The following UNKL variants were observed in gnomAD, a reference collection of about 807,000 sequenced individuals.
UNKL encodes unk like zinc finger, also known as putative E3 ubiquitin-protein ligase UNKL.
In UNKL, 60 loss-of-function variants were observed where a neutral mutation model predicts 78.0. That is an observed-to-expected ratio of 0.77 (90% CI 0.63 to 0.95). The LOEUF (loss-of-function observed/expected upper bound fraction) is 0.95. Among genes scored for constraint, UNKL ranks in the 40% least tolerant of loss-of-function variants. The pLI, the probability that UNKL is intolerant of heterozygous loss-of-function variation, is 0.00. For missense variants in UNKL, 1,159 were observed against 1,045.7 expected, an observed-to-expected ratio of 1.11 and a Z score of -1.49; for synonymous variants, 608 against 474.8, an observed-to-expected ratio of 1.28 and a Z score of -3.65.
intron 8 of UNKL, among the ~76,000 whole-genome samples, 200 bp from the exon 9 acceptor site, chr16:1,390,894 G>A (rs1215708888): frequency 6.6e-6 from 1 of 152,096 alleles, no homozygotes; most frequent in Non-Finnish European, 1.5e-5. Context: ...GCCAGGCGTG[G>A]TGGCACATGC....
chr16:1,398,631 A>T, intron 5 of UNKL: 1 of 1,435,362 alleles, frequency 7.0e-7, no homozygotes. Flanking sequence ...ACAGGGCCTC[A>T]GGGAGGCCAA....
chr16:1,408,769 T>G (rs1011895337), intron 2 of UNKL: 1 of 152,398 alleles, frequency 6.6e-6, no homozygotes, highest in African/African-American at 2.4e-5. Flanking sequence ...GGGGCCCTCC[T>G]GGGGTCCCAG....
intron 10 of UNKL, among the ~76,000 whole-genome samples, chr16:1,374,745 AG>A (rs2036086404): frequency 6.6e-6 from 1 of 152,100 alleles, no homozygotes; most frequent in South Asian, 2.1e-4. Flanking sequence ...TGGCCATGTC[AG>A]GGTGACAGCA....
At position 1,371,531 on chromosome 16, in the gene UNKL, G is replaced by A. The variant is rs1257831350; in HGVS notation, c.1345C>T (p.Leu449=). 1.3e-6 allele frequency: 2 copies of A among 1,536,078 alleles called. No homozygotes were observed. Among genetic ancestry groups the A allele is most frequent in the Admixed American group, 2.0e-5 (1 of 50,980 alleles). The change falls in exon 11 of 15, where the codon CTG becomes TTG. Residue 449 remains leucine (L), a synonymous_variant. Transcript: ENST00000389221. The part of the protein sequence containing the change: ...KDLEEQDGHD[L]GAAGPRSLAG... Reference sequence around the variant, plus strand: ...TCCCCACCCTCACCTGCTGCTCCCAGGTCGTGGCCGTCTTGCTCTTCCAGG... The same window carrying A: ...TCCCCACCCTCACCTGCTGCTCCCAAGTCGTGGCCGTCTTGCTCTTCCAGG...
At chr16:1,375,561 C>T (rs2142013004) in intron 10 of UNKL, among the ~76,000 whole-genome samples, 1 of 152,304 alleles carries the variant, frequency 6.6e-6, no homozygotes, top group Admixed American at 6.5e-5. Flanking sequence ...CGGGACGGCA[C>T]ACGGCGCATG....
rs1164403254 is a variant in UNKL, at chr16:1,367,427, A to G, written c.1789-78T>C. 2.0e-4 allele frequency: 291 copies of G among 1,446,870 alleles called. 1 individual carries two copies. In the Middle Eastern group the frequency reaches 3.6e-3, roughly 18 times the overall value. The allele number at this position is 1,446,870 out of a possible 1,614,324, so 89.6% of individuals were successfully genotyped here. On this transcript the variant is annotated intron_variant, in intron 13 of 14. Coordinates refer to ENST00000389221, the MANE Select transcript of UNKL (RefSeq NM_001372107.1). ...GACCCTCTTGCCTGTGTCACCAGCG[A>G]TCCTCCCCTCCCCTCCCCAGCATCA...
At chr16:1,376,919 G>A (rs1352233361) in intron 10 of UNKL, among the ~76,000 whole-genome samples, 1 of 152,072 alleles carries the variant, frequency 6.6e-6, no homozygotes, top group Non-Finnish European at 1.5e-5. Context: ...CAGCAAATGA[G>A]GCAGTGGACA....
chr16:1,393,997 C>G (rs2037155369), intron 7 of UNKL, 134 bp downstream of exon 7: 1 of 892,002 alleles, frequency 1.1e-6, no homozygotes, highest in South Asian at 1.7e-5. Flanking sequence ...ACCCCCAGCC[C>G]CCAACCACGG....
chr16:1,385,157 G>C (rs1416483138), intron 10 of UNKL, 51 bp downstream of exon 10: 1 of 1,212,110 alleles, frequency 8.3e-7, no homozygotes, highest in African/African-American at 1.6e-5. Context: ...AAAAGCTACA[G>C]CATGAACACA....
chr16:1,380,563 C>A lies in UNKL; in HGVS notation c.1264+4645G>T, dbSNP rs562873096. 7.4e-5 allele frequency among the ~76,000 whole-genome samples: 11 copies of A among 148,778 alleles called. No individual in the cohort carries two copies. The South Asian group carries it at 2.1e-3, about 29-fold the overall frequency. On this transcript the variant is annotated intron_variant, in intron 10 of 14. Coordinates refer to ENST00000389221, the MANE Select transcript of UNKL (RefSeq NM_001372107.1). ...GAGGCTGGCACTGGGTGGCAAAGCTCACAATTTCAGCCGCAGCAGCAGCAA... is the reference window on the plus strand; with the variant it reads ...GAGGCTGGCACTGGGTGGCAAAGCTAACAATTTCAGCCGCAGCAGCAGCAA...
At chr16:1,384,902 A>T (rs2036749608) in intron 10 of UNKL, among the ~76,000 whole-genome samples, 1 of 151,538 alleles carries the variant, frequency 6.6e-6, no homozygotes, top group South Asian at 2.1e-4. Flanking sequence ...AACTCCCATC[A>T]TCTGTCAACA....
intron 10 of UNKL, among the ~76,000 whole-genome samples, chr16:1,378,356 C>T (rs561086955): frequency 7.8e-4 from 119 of 152,354 alleles, no homozygotes; most frequent in African/African-American, 2.7e-3. Context: ...CTGCCCTCTG[C>T]ACCCAAGTCC....
At chr16:1,389,212 C>T (rs564724866) in intron 9 of UNKL, among the ~76,000 whole-genome samples, 2 of 152,250 alleles carry the variant, frequency 1.3e-5, no homozygotes, top group East Asian at 3.9e-4. Context: ...AACGTGTCCC[C>T]CCCAAATTCC....
chr16:1,404,908 G>A (rs1236801842), intron 2 of UNKL, among the ~76,000 whole-genome samples: 1 of 152,110 alleles, frequency 6.6e-6, no homozygotes, highest in Non-Finnish European at 1.5e-5. Flanking sequence ...AGACTTAGAA[G>A]GAAGGACTGG....
intron 14 of UNKL, among the ~76,000 whole-genome samples, 196 bp downstream of exon 14, chr16:1,366,896 G>GCGGCTCCCAGGGGGAAAGA (rs1259060422): frequency 6.6e-6 from 1 of 151,356 alleles, no homozygotes; most frequent in Non-Finnish European, 1.5e-5. Flanking sequence ...GACAGGAAAG[G>GCGGCTCCCAGGGGGAAAGA]CGGCTCCCAG....
intron 8 of UNKL, 123 bp downstream of exon 8, chr16:1,392,768 G>A (rs2037100963): frequency 1.7e-6 from 2 of 1,160,720 alleles, no homozygotes; most frequent in Admixed American, 2.1e-5. Context: ...TCTTCTAGAA[G>A]AGCCACGAAC....
chr16:1,366,515 A>G, intron 14 of UNKL, 120 bp from the exon 15 acceptor site: 2 of 1,315,074 alleles, frequency 1.5e-6, no homozygotes, highest in South Asian at 3.1e-5. Context: ...CCAGCTACAG[A>G]GACAGGGTCA....
At chr16:1,379,437 C>G in intron 10 of UNKL, 1 of 975,688 alleles carries the variant, frequency 1.0e-6, no homozygotes, top group South Asian at 4.7e-5. Flanking sequence ...GAGGCAGGTT[C>G]CGAGAAGGCG....
intron 5 of UNKL, among the ~76,000 whole-genome samples, chr16:1,397,879 G>A (rs1392264955): frequency 1.3e-5 from 2 of 152,240 alleles, no homozygotes; most frequent in East Asian, 3.8e-4. Flanking sequence ...GCCCAGGGGT[G>A]TCTGCCTCCC....
Sources: gnomAD v4.1 joint callset for allele counts (sites outside exome capture counted in the v4.1 genomes callset) on GRCh38, gnomAD v4.1.1 for gene constraint, MANE v1.5 for transcripts, NCBI Gene and HGNC (gene_info 2026-07-23, HGNC 2026-07-21) for gene names.